PKP4: variants seen among roughly 807,000 people sequenced by gnomAD.
PKP4 encodes plakophilin-4.
PKP4 carries 90 observed loss-of-function variants against 145.1 expected under a neutral mutation model. The observed-to-expected ratio is 0.62, with a 90% CI of 0.52 to 0.74. The LOEUF is 0.74. Among genes scored for constraint, PKP4 ranks in the 30% least tolerant of loss-of-function variants. The pLI, the probability that PKP4 is intolerant of heterozygous loss-of-function variation, is 0.00. For synonymous variants in PKP4, 563 were observed against 577.2 expected, an observed-to-expected ratio of 0.98 and a Z score of 0.35; for missense variants, 1,340 against 1,482.7, an observed-to-expected ratio of 0.90 and a Z score of 1.58.
intron 1 of PKP4, among the ~76,000 whole-genome samples, chr2:158,498,656 G>GATGCTGCAGTGTT (rs1328770818): frequency 6.6e-6 from 1 of 152,140 alleles, no homozygotes; most frequent in Non-Finnish European, 1.5e-5. Flanking sequence ...AATGTCTGTG[G>GATGCTGCAGTGTT]ATGCTGCAGT....
intron 3 of PKP4, among the ~76,000 whole-genome samples, chr2:158,597,453 C>G (rs1217519972): frequency 1.3e-5 from 2 of 152,130 alleles, no homozygotes; most frequent in African/African-American, 2.4e-5. Context: ...GCTAGTAGAA[C>G]AGGTAGGTAA....
At chr2:158,646,958 T>G (rs1297479138) in intron 11 of PKP4, among the ~76,000 whole-genome samples, 1 of 152,160 alleles carries the variant, frequency 6.6e-6, no homozygotes, top group Non-Finnish European at 1.5e-5. Context: ...AGGTCATTTT[T>G]GCATAGGAAT....
intron 2 of PKP4, among the ~76,000 whole-genome samples, chr2:158,561,927 C>G (rs1414338469): frequency 6.9e-6 from 1 of 145,100 alleles, no homozygotes; most frequent in Non-Finnish European, 1.5e-5. Context: ...TCCCTCCCCC[C>G]AGCCCCCCAC....
chr2:158,466,264 T>C (rs890402548), intron 1 of PKP4, among the ~76,000 whole-genome samples: 1 of 152,216 alleles, frequency 6.6e-6, no homozygotes, highest in African/African-American at 2.4e-5. Context: ...ACCTATCCTC[T>C]GTCCTTTTGT....
intron 11 of PKP4, among the ~76,000 whole-genome samples, chr2:158,656,634 G>C (rs2051949): frequency 0.2 from 29,736 of 152,166 alleles, 3,735 homozygotes; most frequent in Middle Eastern, 0.35. Context: ...AAAGAGGAGA[G>C]TTGTGGGCAC....
At position 158,661,348 on chromosome 2, in the gene PKP4, G is replaced by C. The variant is rs747567248; in HGVS notation, c.2109G>C (p.Ala703=). ...TTGCLRNLSS[A]GEEARKQMRS... The stretch of plus-strand genomic sequence containing the variant: ...ACCCCTTTAGGAACCTCAGCTCCGC[G>C]GGGGAAGAAGCTCGGAAGCAAATGC... Residue 703 remains alanine, a synonymous_variant, in exon 13 of 22, where the codon GCG becomes GCC. Transcript: ENST00000389759. 2 of 1,613,260 alleles carry C rather than the reference G, an allele frequency of 1.2e-6. No individual in the cohort carries two copies. Among genetic ancestry groups the C allele is most frequent in the Non-Finnish European group, 1.7e-6 (2 of 1,179,510 alleles).
intron 1 of PKP4, among the ~76,000 whole-genome samples, chr2:158,525,670 C>G (rs2042849414): frequency 7.7e-6 from 1 of 129,448 alleles, no homozygotes; most frequent in Admixed American, 8.4e-5. Context: ...ACAGAAAACC[C>G]TTCAAAAAAT....
intron 1 of PKP4, among the ~76,000 whole-genome samples, chr2:158,509,887 C>T (rs1016006762): frequency 6.7e-6 from 1 of 149,052 alleles, no homozygotes; most frequent in African/African-American, 2.5e-5. Flanking sequence ...GTGGAGGTTG[C>T]GGTGAGCCGA....
At chr2:158,485,033 T>A (rs1693968939) in intron 1 of PKP4, among the ~76,000 whole-genome samples, 1 of 152,154 alleles carries the variant, frequency 6.6e-6, no homozygotes, top group Admixed American at 6.5e-5. Flanking sequence ...AGAAAACCAT[T>A]TGATGAGGTC....
rs766026560 is a variant in PKP4, at chr2:158,631,827, C to T, written c.1228C>T (p.His410Tyr). The change falls in exon 8 of 22, where the codon CAC becomes TAC. Residue 410 changes from histidine (H) to tyrosine (Y), a missense_variant. Transcript: ENST00000389759. Reference protein sequence around the residue: ...DLRSAVSPDLHITPIYEGRTY... With the variant: ...DLRSAVSPDLYITPIYEGRTY... ...TCGTTCTGCCGTGTCTCCCGACTTG[C>T]ACATTACTCCTATATATGAGGGGAG... 6.2e-7 allele frequency: 1 copy of T among 1,614,072 alleles called. No homozygotes were observed. Among genetic ancestry groups the T allele is most frequent in the East Asian group, 2.2e-5 (1 of 44,890 alleles).
In PKP4 at chr2:158,621,131, G is replaced by A. The variant is rs747380657; in HGVS notation, c.412+10G>A. On this transcript the variant is annotated intron_variant, in intron 5 of 21. Coordinates refer to ENST00000389759, the MANE Select transcript of PKP4 (RefSeq NM_003628.6). ...CTCCATGAAAGTGAGGGTCTGTTGT[G>A]TTATCTTTTAAGTACTGGATTTGCT... is the stretch of plus-strand genomic sequence containing the variant. 1.2e-6 allele frequency: 2 copies of A among 1,613,966 alleles called. No homozygotes were observed. The highest frequency in any genetic ancestry group is 1.6e-4 in the Middle Eastern group (1 of 6,084).
chr2:158,494,190 T>C (rs1045406940), intron 1 of PKP4, among the ~76,000 whole-genome samples: 4 of 152,130 alleles, frequency 2.6e-5, no homozygotes, highest in African/African-American at 9.7e-5. Flanking sequence ...AATTTAGGCA[T>C]CTCACTATGT....
chr2:158,468,700 A>T (rs1417380766), intron 1 of PKP4, among the ~76,000 whole-genome samples: 1 of 151,680 alleles, frequency 6.6e-6, no homozygotes, highest in Non-Finnish European at 1.5e-5. Flanking sequence ...AGCATACCTG[A>T]TACTTTAAAA....
chr2:158,572,651 G>A (rs776870400), intron 2 of PKP4, among the ~76,000 whole-genome samples: 58 of 152,306 alleles, frequency 3.8e-4, no homozygotes, highest in Non-Finnish European at 6.8e-4. Flanking sequence ...CCACAGAAGA[G>A]GACAGGCCTG....
intron 11 of PKP4, among the ~76,000 whole-genome samples, chr2:158,650,455 G>T (rs2055253283): frequency 6.6e-6 from 1 of 152,198 alleles, no homozygotes; most frequent in African/African-American, 2.4e-5. Context: ...TTTCAAAGGT[G>T]CTGTGATCCA....
chr2:158,680,048 T>C (rs1404443180), intron 21 of PKP4, among the ~76,000 whole-genome samples: 1 of 152,214 alleles, frequency 6.6e-6, no homozygotes, highest in Non-Finnish European at 1.5e-5. Context: ...TTCCCCTGTG[T>C]CAAACCAAAT....
intron 2 of PKP4, among the ~76,000 whole-genome samples, chr2:158,536,243 A>G (rs1000907574): frequency 6.6e-6 from 1 of 152,208 alleles, no homozygotes; most frequent in Non-Finnish European, 1.5e-5. Flanking sequence ...AAAACTTCAT[A>G]TTGATCTCAC....
In PKP4 at chr2:158,673,870, C is replaced by G. The variant is rs777868281; in HGVS notation, c.3010-13C>G. 3 of 1,571,686 alleles carry G rather than the reference C, an allele frequency of 1.9e-6. No homozygotes were observed. The highest frequency in any genetic ancestry group is 2.6e-6 in the Non-Finnish European group (3 of 1,141,272). On this transcript the variant is annotated splice_polypyrimidine_tract_variant and intron_variant, in intron 18 of 21. Coordinates refer to ENST00000389759, the MANE Select transcript of PKP4 (RefSeq NM_003628.6). ...TTCATTTTGAGAGGTTTCTTTTTCT[C>G]TTAACTCTGCAGGATGGGTGGAATC... is the stretch of plus-strand genomic sequence containing the variant.
chr2:158,644,526 ACT>A (rs1436721196), intron 11 of PKP4, among the ~76,000 whole-genome samples: 1 of 152,200 alleles, frequency 6.6e-6, no homozygotes, highest in Non-Finnish European at 1.5e-5. Context: ...CAATGGCAGT[ACT>A]CTCACACAGT....
Sources: gnomAD v4.1 joint callset for allele counts (sites outside exome capture counted in the v4.1 genomes callset) on GRCh38, gnomAD v4.1.1 for gene constraint, MANE v1.5 for transcripts, NCBI Gene and HGNC (gene_info 2026-07-23, HGNC 2026-07-21) for gene names.